Variants in CAST observed in about 807,000 individuals in gnomAD.
The protein encoded by CAST is calpastatin, also known as MIR583 host.
Under a neutral mutation model 119.6 loss-of-function variants are expected in CAST, and 76 were observed. The ratio of observed to expected loss-of-function variants is 0.64; its 90% CI spans 0.53 to 0.77. The LOEUF (loss-of-function observed/expected upper bound fraction) is 0.77. Ranked by LOEUF, CAST falls within the 30% of genes least tolerant of loss-of-function variation. The pLI, the probability that CAST is intolerant of heterozygous loss-of-function variation, is 0.00. For missense variants in CAST, 953 were observed against 946.5 expected (o/e 1.01, Z -0.09); for synonymous variants, 319 against 331.6 (o/e 0.96, Z 0.41).
the CAST span, among the ~76,000 whole-genome samples, chr5:96,329,644 C>G: frequency 8.5e-5 from 13 of 152,232 alleles, no homozygotes; most frequent in Non-Finnish European, 1.9e-4. Flanking sequence ...TCAGGCTACT[C>G]TTTATGCTCC....
At chr5:96,554,254 A>G (rs935675804) in intron 1 of CAST, among the ~76,000 whole-genome samples, 6 of 152,164 alleles carry the variant, frequency 3.9e-5, no homozygotes, top group Admixed American at 3.3e-4. Context: ...AACACCACAC[A>G]TCTGTCACCA....
At chr5:96,219,042 C>G in the CAST span, among the ~76,000 whole-genome samples, 1 of 152,164 alleles carries the variant, frequency 6.6e-6, no homozygotes, top group Non-Finnish European at 1.5e-5. Flanking sequence ...GTGTGCAGAA[C>G]AGCTACGTAG....
chr5:96,048,476 C>T, the CAST span, among the ~76,000 whole-genome samples: 39 of 152,172 alleles, frequency 2.6e-4, no homozygotes, highest in African/African-American at 6.3e-4. Context: ...CATTTTCTAA[C>T]TTGCACAGCT....
intron 1 of CAST, among the ~76,000 whole-genome samples, chr5:96,663,413 G>A (rs1748867717): frequency 6.6e-6 from 1 of 152,222 alleles, no homozygotes; most frequent in South Asian, 2.1e-4. Flanking sequence ...CTCTCGCCCC[G>A]ATGTCAAGCA....
the CAST span, among the ~76,000 whole-genome samples, chr5:96,276,419 CAT>C: frequency 6.6e-6 from 1 of 152,068 alleles, no homozygotes; most frequent in African/African-American, 2.4e-5. Context: ...TGGCTTTTTA[CAT>C]ATGTTATTTT....
chr5:96,700,081 T>C (rs1366013130), intron 3 of CAST, among the ~76,000 whole-genome samples: 1 of 152,166 alleles, frequency 6.6e-6, no homozygotes, highest in Non-Finnish European at 1.5e-5. Flanking sequence ...TTCTCATCTG[T>C]AATAGGAGTG....
chr5:96,301,684 A>G, the CAST span, among the ~76,000 whole-genome samples: 1 of 152,130 alleles, frequency 6.6e-6, no homozygotes, highest in Non-Finnish European at 1.5e-5. Flanking sequence ...TTAAATCTTA[A>G]AGCTCCAAAA....
the CAST span, among the ~76,000 whole-genome samples, chr5:96,517,065 G>C: frequency 0.06 from 9,126 of 152,046 alleles, 740 homozygotes; most frequent in East Asian, 0.3. Flanking sequence ...TTCAGTCTTG[G>C]AATGGTTGGA....
At chr5:96,425,866 G>C in the CAST span, 1 of 1,611,784 alleles carries the variant, frequency 6.2e-7, no homozygotes. Context: ...GAGATTTAGT[G>C]CTGAGTCCCT....
the CAST span, among the ~76,000 whole-genome samples, chr5:96,231,614 C>T: frequency 6.6e-6 from 1 of 152,058 alleles, no homozygotes; most frequent in Non-Finnish European, 1.5e-5. Flanking sequence ...GGATTGTACA[C>T]TTAAACACAC....
the CAST span, among the ~76,000 whole-genome samples, chr5:96,067,935 T>A: frequency 6.6e-6 from 1 of 151,538 alleles, no homozygotes; most frequent in Non-Finnish European, 1.5e-5. Context: ...GTGAAATGGC[T>A]TTTAAATGCA....
At chr5:96,763,207 G>T (rs777876466) in intron 25 of CAST, 2 of 780,768 alleles carry the variant, frequency 2.6e-6, no homozygotes, top group South Asian at 1.3e-5. Flanking sequence ...TTTTCATCCT[G>T]TTGCGTCAGC....
At chr5:96,551,442 T>C (rs1746124262) in intron 1 of CAST, among the ~76,000 whole-genome samples, 1 of 152,074 alleles carries the variant, frequency 6.6e-6, no homozygotes, top group Non-Finnish European at 1.5e-5. Context: ...AAGGAACAAC[T>C]GGTACCAGCC....
At chr5:96,107,363 A>G in the CAST span, among the ~76,000 whole-genome samples, 4 of 152,006 alleles carry the variant, frequency 2.6e-5, no homozygotes, top group African/African-American at 9.7e-5. Context: ...GGCTGGTGCC[A>G]GTTGTTCCTT....
intron 5 of CAST, 92 bp downstream of exon 5, chr5:96,726,951 T>G: frequency 1.2e-6 from 1 of 851,194 alleles, no homozygotes. Context: ...CACAGTCTTC[T>G]GTTAACACTG....
At chr5:96,618,175 A>T (rs1433755204) in intron 1 of CAST, among the ~76,000 whole-genome samples, 3 of 152,216 alleles carry the variant, frequency 2.0e-5, no homozygotes, top group Non-Finnish European at 2.9e-5. Context: ...TTTCAGGCAG[A>T]AGGTAAATGT....
the CAST span, among the ~76,000 whole-genome samples, chr5:96,120,985 C>A: frequency 3.3e-5 from 5 of 151,994 alleles, no homozygotes; most frequent in South Asian, 2.1e-4. Flanking sequence ...CTTGGTGAGA[C>A]CTTTCCTAGC....
the CAST span, among the ~76,000 whole-genome samples, chr5:95,969,774 T>G: frequency 6.6e-6 from 1 of 152,252 alleles, no homozygotes; most frequent in Non-Finnish European, 1.5e-5. Flanking sequence ...AGAAAGACCT[T>G]GTTTAGGTTA....
the CAST span, among the ~76,000 whole-genome samples, chr5:96,067,597 T>C: frequency 6.6e-6 from 1 of 152,244 alleles, no homozygotes; most frequent in Admixed American, 6.5e-5. Flanking sequence ...AAAATGGGCA[T>C]ACCTGTGCTT....
Sources: allele counts gnomAD v4.1 joint callset (sites outside exome capture counted in the v4.1 genomes callset), GRCh38; gene constraint gnomAD v4.1.1; transcripts MANE v1.5; gene names NCBI Gene and HGNC (gene_info 2026-07-23, HGNC 2026-07-21).